CORO2B: variants seen among roughly 807,000 people sequenced by gnomAD.
CORO2B encodes coronin 2B.
A neutral mutation model predicts 58.8 loss-of-function variants in CORO2B; 26 were observed. The ratio of observed to expected loss-of-function variants is 0.44; its 90% CI spans 0.32 to 0.61. The LOEUF (loss-of-function observed/expected upper bound fraction) is 0.61, where lower values mean the gene tolerates loss of function less well. Among genes scored for constraint, CORO2B ranks in the 20% least tolerant of loss-of-function variants. The probability of loss-of-function intolerance (pLI) is 0.04; values close to 1 mark genes in which losing one functional copy is unlikely to be tolerated. For synonymous variants in CORO2B, 242 were observed against 253.8 expected (o/e 0.95, Z 0.44); for missense variants, 460 against 645.1 (o/e 0.71, Z 3.11).
chr15:68,622,869 C>T (rs1206239538), intron 1 of CORO2B, among the ~76,000 whole-genome samples: 1 of 152,190 alleles, frequency 6.6e-6, no homozygotes, highest in East Asian at 1.9e-4. Flanking sequence ...GACTGGGAAA[C>T]AGGCTGGTGG....
At chr15:68,579,831 G>A (rs574506892) in intron 1 of CORO2B, among the ~76,000 whole-genome samples, 2 of 152,376 alleles carry the variant, frequency 1.3e-5, no homozygotes, top group African/African-American at 4.8e-5. Context: ...GCAGGTCCAG[G>A]TGGTTGGCTT....
intron 1 of CORO2B, among the ~76,000 whole-genome samples, chr15:68,600,415 T>C (rs1027200950): frequency 4.6e-5 from 7 of 152,160 alleles, no homozygotes; most frequent in Non-Finnish European, 8.8e-5. Flanking sequence ...GTACACACTA[T>C]GCTCCCTTCC....
At chr15:68,644,011 T>G (rs1566993601) in intron 1 of CORO2B, among the ~76,000 whole-genome samples, 1 of 151,928 alleles carries the variant, frequency 6.6e-6, no homozygotes, top group Non-Finnish European at 1.5e-5. Flanking sequence ...CACTCCAGCC[T>G]GGGTGACAGC....
At chr15:68,580,874 A>G (rs1436404870) in intron 1 of CORO2B, among the ~76,000 whole-genome samples, 1 of 152,082 alleles carries the variant, frequency 6.6e-6, no homozygotes, top group Non-Finnish European at 1.5e-5. Context: ...CCTTCCCTGG[A>G]GGCCTGCAAG....
chr15:68,724,429 C>G (rs1596042899), intron 11 of CORO2B, among the ~76,000 whole-genome samples: 1 of 152,058 alleles, frequency 6.6e-6, no homozygotes. Context: ...ACAATGTTTT[C>G]TCTCATCTTT....
At chr15:68,655,893 C>T (rs571017457) in intron 2 of CORO2B, among the ~76,000 whole-genome samples, 1 of 152,194 alleles carries the variant, frequency 6.6e-6, no homozygotes, top group East Asian at 1.9e-4. Flanking sequence ...CTTCAAGGAA[C>T]AAAAATGATT....
At chr15:68,643,262 A>T (rs1433128808) in intron 1 of CORO2B, among the ~76,000 whole-genome samples, 1 of 149,644 alleles carries the variant, frequency 6.7e-6, no homozygotes, top group Non-Finnish European at 1.5e-5. Context: ...GGGAAGGGAG[A>T]GCCTTGCCTG....
intron 3 of CORO2B, among the ~76,000 whole-genome samples, chr15:68,699,279 T>G (rs1892585785): frequency 6.6e-6 from 1 of 151,944 alleles, no homozygotes; most frequent in African/African-American, 2.4e-5. Flanking sequence ...GACTTGTGCT[T>G]CTCAAGCCAT....
At chr15:68,716,003 G>A (rs187129195) in intron 8 of CORO2B, among the ~76,000 whole-genome samples, 16 of 152,326 alleles carry the variant, frequency 1.1e-4, no homozygotes, top group Non-Finnish European at 1.5e-4. Context: ...TTTGGAGCTT[G>A]AGTCTAGCTT....
chr15:68,547,896 C>T, the CORO2B span, among the ~76,000 whole-genome samples: 1,733 of 152,220 alleles, frequency 0.011, 34 homozygotes, highest in African/African-American at 0.039. Flanking sequence ...TTTGGCCGGG[C>T]GTGGTGGCTC....
chr15:68,696,543 G>A (rs1892515434), intron 3 of CORO2B, among the ~76,000 whole-genome samples: 1 of 113,898 alleles, frequency 8.8e-6, no homozygotes, highest in Admixed American at 1.3e-4. Context: ...GGGTGACAGA[G>A]CAAGACTCTG....
intron 1 of CORO2B, among the ~76,000 whole-genome samples, chr15:68,590,973 T>A (rs1249481415): frequency 6.6e-6 from 1 of 152,082 alleles, no homozygotes; most frequent in Non-Finnish European, 1.5e-5. Context: ...GAGATTTATT[T>A]AAAAAAAATT....
chr15:68,605,391 C>A (rs1020566717), intron 1 of CORO2B, among the ~76,000 whole-genome samples: 1 of 152,166 alleles, frequency 6.6e-6, no homozygotes, highest in Non-Finnish European at 1.5e-5. Flanking sequence ...CATCAAGATG[C>A]TCATCACGGC....
the CORO2B span, among the ~76,000 whole-genome samples, chr15:68,541,850 C>T: frequency 6.6e-6 from 1 of 152,144 alleles, no homozygotes; most frequent in African/African-American, 2.4e-5. Context: ...TTGGAGTTCT[C>T]CGTCTGTGTG....
At chr15:68,632,368 A>C (rs1312839913) in intron 1 of CORO2B, 1 of 985,330 alleles carries the variant, frequency 1.0e-6, no homozygotes, top group African/African-American at 1.7e-5. Context: ...AAACGCATTC[A>C]GCTCGGTCCA....
At chr15:68,694,478 G>T (rs66786238) in intron 2 of CORO2B, among the ~76,000 whole-genome samples, 32,834 of 152,064 alleles carry the variant, frequency 0.22, 3,721 homozygotes, top group Middle Eastern at 0.27. Flanking sequence ...CAGGCCTGTG[G>T]GACTCCGAAG....
chr15:68,718,659 T>G, intron 8 of CORO2B, 39 bp from the exon 9 acceptor site: 1 of 1,551,880 alleles, frequency 6.4e-7, no homozygotes, highest in Non-Finnish European at 8.9e-7. Context: ...GAGACGCAGT[T>G]TCTGGGACCC....
chr15:68,695,392 C>T, intron 3 of CORO2B, 136 bp downstream of exon 3: 1 of 689,344 alleles, frequency 1.5e-6, no homozygotes. Flanking sequence ...CAGCAAGCCC[C>T]ACGATGTGGG....
At chr15:68,596,845 A>G (rs1899843396) in intron 1 of CORO2B, among the ~76,000 whole-genome samples, 1 of 151,734 alleles carries the variant, frequency 6.6e-6, no homozygotes, top group African/African-American at 2.4e-5. Flanking sequence ...CACGCAGAGC[A>G]CTCCCCACGC....
Sources: gnomAD v4.1 joint callset for allele counts (sites outside exome capture counted in the v4.1 genomes callset) on GRCh38, gnomAD v4.1.1 for gene constraint, MANE v1.5 for transcripts, NCBI Gene and HGNC (gene_info 2026-07-23, HGNC 2026-07-21) for gene names.